The following CYB5R4 variants were observed in gnomAD, a reference collection of about 807,000 sequenced individuals.
CYB5R4 encodes N-terminal cytochrome b5 and cytochrome b5 oxidoreductase domain-containing protein.
CYB5R4 carries 55 observed loss-of-function variants against 70.2 expected under a neutral mutation model. The ratio of observed to expected loss-of-function variants is 0.78; its 90% CI spans 0.63 to 0.98. The LOEUF is 0.98. Among genes scored for constraint, CYB5R4 ranks in the 50% least tolerant of loss-of-function variants. The pLI, the probability that CYB5R4 is intolerant of heterozygous loss-of-function variation, is 0.00. For missense variants in CYB5R4, 562 were observed against 612.6 expected (o/e 0.92, Z 0.87); for synonymous variants, 197 against 199.5 (o/e 0.99, Z 0.11).
At chr6:83,931,624 G>A (rs902382401) in intron 10 of CYB5R4, among the ~76,000 whole-genome samples, 1 of 151,886 alleles carries the variant, frequency 6.6e-6, no homozygotes, top group Non-Finnish European at 1.5e-5. Context: ...GGTATTTGGG[G>A]CAGTAATGTT....
At chr6:83,918,726 T>G (rs2099465891) in intron 6 of CYB5R4, among the ~76,000 whole-genome samples, 1 of 152,104 alleles carries the variant, frequency 6.6e-6, no homozygotes, top group South Asian at 2.1e-4. Flanking sequence ...ACACTTAAAA[T>G]GCCTTCAGGT....
intron 5 of CYB5R4, among the ~76,000 whole-genome samples, chr6:83,916,022 A>ATT (rs2099465460): frequency 6.6e-6 from 1 of 152,108 alleles, no homozygotes; most frequent in Admixed American, 6.5e-5. Context: ...TCAAAATAAT[A>ATT]TTATGTAAAG....
chr6:83,957,739 G>C (rs774675678), intron 15 of CYB5R4, among the ~76,000 whole-genome samples: 1 of 151,940 alleles, frequency 6.6e-6, no homozygotes, highest in African/African-American at 2.4e-5. Flanking sequence ...AGTTGCTCAG[G>C]AGTATTTATT....
chr6:83,864,109 A>G, intron 1 of CYB5R4, 66 bp from the exon 2 acceptor site: 1 of 1,397,604 alleles, frequency 7.2e-7, no homozygotes. Context: ...TTTGAGTTTT[A>G]TTATCTTTTA....
At chr6:83,907,012 T>A (rs1484039502) in intron 3 of CYB5R4, among the ~76,000 whole-genome samples, 2 of 152,238 alleles carry the variant, frequency 1.3e-5, no homozygotes, top group African/African-American at 4.8e-5. Flanking sequence ...GGTACCTACA[T>A]CTTTATATAC....
At chr6:83,914,518 G>A in intron 5 of CYB5R4, 70 bp downstream of exon 5, 1 of 1,335,488 alleles carries the variant, frequency 7.5e-7, no homozygotes, top group Non-Finnish European at 1.0e-6. Flanking sequence ...ACACAGAATT[G>A]TCTGGGGCAT....
chr6:83,948,513 AT>A (rs1429912778), intron 14 of CYB5R4, among the ~76,000 whole-genome samples: 1 of 152,134 alleles, frequency 6.6e-6, no homozygotes, highest in African/African-American at 2.4e-5. Flanking sequence ...AAGTATAATA[AT>A]TTTTTTAAAA....
chr6:83,895,676 T>C (rs2099461775), intron 3 of CYB5R4, among the ~76,000 whole-genome samples: 1 of 152,188 alleles, frequency 6.6e-6, no homozygotes. Flanking sequence ...GGAAAGCTTG[T>C]TTTGGAGAAT....
intron 2 of CYB5R4, among the ~76,000 whole-genome samples, chr6:83,889,265 A>G (rs756018003): frequency 1.4e-4 from 22 of 152,228 alleles, no homozygotes; most frequent in Non-Finnish European, 2.9e-4. Flanking sequence ...ATAGTCTTCT[A>G]TTGGCTAAAG....
intron 14 of CYB5R4, among the ~76,000 whole-genome samples, chr6:83,941,761 A>G (rs557030496): frequency 1.3e-5 from 2 of 152,330 alleles, no homozygotes; most frequent in African/African-American, 4.8e-5. Context: ...AACATTTATT[A>G]TAAGTAGTTG....
intron 2 of CYB5R4, among the ~76,000 whole-genome samples, chr6:83,882,301 G>A (rs1052393790): frequency 3.9e-5 from 6 of 152,120 alleles, no homozygotes; most frequent in African/African-American, 7.2e-5. Flanking sequence ...GGGCATCTGC[G>A]GTAACTGGAA....
At chr6:83,910,699 AATCC>A (rs1289604242) in intron 4 of CYB5R4, among the ~76,000 whole-genome samples, 1 of 152,224 alleles carries the variant, frequency 6.6e-6, no homozygotes, top group Non-Finnish European at 1.5e-5. Flanking sequence ...AAGGAATCGT[AATCC>A]CTCTGATGAT....
chr6:83,874,531 T>TC (rs70987769), intron 2 of CYB5R4, among the ~76,000 whole-genome samples: 9 of 150,732 alleles, frequency 6.0e-5, no homozygotes, highest in African/African-American at 9.8e-5. Context: ...TTTTTTTTTT[T>TC]CCCCCTAAGG....
intron 2 of CYB5R4, among the ~76,000 whole-genome samples, chr6:83,886,247 C>T (rs914948856): frequency 2.0e-5 from 3 of 152,140 alleles, no homozygotes; most frequent in Non-Finnish European, 2.9e-5. Context: ...ACCCACTAAT[C>T]CATTAATTCA....
intron 10 of CYB5R4, among the ~76,000 whole-genome samples, chr6:83,933,451 T>C (rs2099468451): frequency 6.6e-6 from 1 of 152,202 alleles, no homozygotes; most frequent in Non-Finnish European, 1.5e-5. Flanking sequence ...GCATTGATTA[T>C]TAGCTGTTGG....
At chr6:83,914,094 AAC>A (rs942660010) in intron 4 of CYB5R4, among the ~76,000 whole-genome samples, 1 of 152,240 alleles carries the variant, frequency 6.6e-6, no homozygotes, top group Non-Finnish European at 1.5e-5. Flanking sequence ...AAAATATGAT[AAC>A]ACGGATGAAA....
chr6:83,863,116 C>T (rs1434624317), intron 1 of CYB5R4, among the ~76,000 whole-genome samples: 1 of 152,314 alleles, frequency 6.6e-6, no homozygotes. Flanking sequence ...ACTAATAATA[C>T]TTCTCGTCTG....
intron 5 of CYB5R4, 47 bp from the exon 6 acceptor site, chr6:83,917,958 G>A: frequency 6.7e-7 from 1 of 1,489,354 alleles, no homozygotes; most frequent in Middle Eastern, 1.8e-4. Flanking sequence ...AAGACAAAAA[G>A]TTAAAAATAC....
chr6:83,947,627 A>T (rs973726771), intron 14 of CYB5R4, among the ~76,000 whole-genome samples: 1 of 152,202 alleles, frequency 6.6e-6, no homozygotes. Context: ...AATGGGAGAA[A>T]ATGTTTGCAA....
Sources: gnomAD v4.1 joint callset for allele counts (sites outside exome capture counted in the v4.1 genomes callset) on GRCh38, gnomAD v4.1.1 for gene constraint, MANE v1.5 for transcripts, NCBI Gene and HGNC (gene_info 2026-07-23, HGNC 2026-07-21) for gene names.